PTPRJ: variants seen among roughly 807,000 people sequenced by gnomAD.
PTPRJ encodes the protein receptor-type tyrosine-protein phosphatase eta.
In PTPRJ, 129 loss-of-function variants were observed where a neutral mutation model predicts 141.3. The ratio of observed to expected loss-of-function variants is 0.91; its 90% CI spans 0.79 to 1.06. The LOEUF (loss-of-function observed/expected upper bound fraction) is 1.06, where lower values mean the gene tolerates loss of function less well. Among genes scored for constraint, PTPRJ ranks in the 50% least tolerant of loss-of-function variants. The pLI is 0.00. For missense variants in PTPRJ, 1,601 were observed against 1,679.7 expected (o/e 0.95, Z 0.82); for synonymous variants, 610 against 640.5 (o/e 0.95, Z 0.72).
chr11:48,116,313 T>C (rs917748466), intron 3 of PTPRJ, among the ~76,000 whole-genome samples: 1 of 152,182 alleles, frequency 6.6e-6, no homozygotes, highest in Non-Finnish European at 1.5e-5. Flanking sequence ...TTCAAAACTT[T>C]TAATGGAGAC....
intron 1 of PTPRJ, among the ~76,000 whole-genome samples, chr11:48,081,338 C>T (rs983679838): frequency 3.3e-5 from 5 of 152,214 alleles, no homozygotes; most frequent in African/African-American, 1.2e-4. Context: ...CAGTCTGAGT[C>T]AGTGGAATGT....
intron 24 of PTPRJ, 40 bp downstream of exon 24, chr11:48,164,555 T>TC: frequency 1.3e-6 from 1 of 797,572 alleles, no homozygotes; most frequent in South Asian, 2.2e-5. Context: ...ACCCTTCCCC[T>TC]CCATTTTTTT....
intron 1 of PTPRJ, among the ~76,000 whole-genome samples, chr11:48,040,659 T>TGGTGCAGTCTCG (rs564456890): frequency 1.7e-3 from 259 of 149,996 alleles, no homozygotes; most frequent in South Asian, 4.2e-3. Context: ...TGGAGTGCGA[T>TGGTGCAGTCTCG]GGTGCAGTCT....
chr11:48,052,769 C>T (rs1175637420), intron 1 of PTPRJ, among the ~76,000 whole-genome samples: 7 of 152,112 alleles, frequency 4.6e-5, no homozygotes, highest in Non-Finnish European at 7.4e-5. Flanking sequence ...GTCCTTCATG[C>T]ATCCCTGGGT....
intron 1 of PTPRJ, among the ~76,000 whole-genome samples, chr11:48,058,228 C>G (rs1183698724): frequency 6.6e-6 from 1 of 151,892 alleles, no homozygotes; most frequent in Non-Finnish European, 1.5e-5. Flanking sequence ...TAAAACAAAA[C>G]CAAAACCAAA....
chr11:48,136,574 G>A (rs967689232), intron 9 of PTPRJ, among the ~76,000 whole-genome samples: 3 of 152,178 alleles, frequency 2.0e-5, no homozygotes, highest in Admixed American at 1.3e-4. Flanking sequence ...GAGTAGAGAA[G>A]GGTCACCTTG....
At chr11:48,116,838 T>A (rs946076022) in intron 3 of PTPRJ, among the ~76,000 whole-genome samples, 1 of 152,230 alleles carries the variant, frequency 6.6e-6, no homozygotes, top group Admixed American at 6.5e-5. Context: ...GATGATGAAA[T>A]TAAAAGGGAA....
chr11:48,076,897 C>T (rs560124739), intron 1 of PTPRJ, among the ~76,000 whole-genome samples: 5 of 151,482 alleles, frequency 3.3e-5, no homozygotes, highest in South Asian at 2.1e-4. Flanking sequence ...GATGGAGTTT[C>T]GCTCTTGTTG....
At chr11:48,049,506 C>T (rs535378847) in intron 1 of PTPRJ, among the ~76,000 whole-genome samples, 8 of 140,336 alleles carry the variant, frequency 5.7e-5, no homozygotes, top group South Asian at 2.1e-4. Flanking sequence ...GGTGAAACCC[C>T]GTCTCTACTA....
At chr11:48,064,910 T>C (rs1245415042) in intron 1 of PTPRJ, among the ~76,000 whole-genome samples, 1 of 151,436 alleles carries the variant, frequency 6.6e-6, no homozygotes, top group East Asian at 1.9e-4. Context: ...CGTGAGCCAC[T>C]GCGCCCGGCT....
intron 3 of PTPRJ, among the ~76,000 whole-genome samples, chr11:48,118,893 G>A (rs1419671415): frequency 6.6e-6 from 1 of 151,882 alleles, no homozygotes; most frequent in East Asian, 1.9e-4. Flanking sequence ...GATGGTGTGT[G>A]CCTTTAATCC....
chr11:48,152,213 T>C (rs1176627073), intron 18 of PTPRJ, among the ~76,000 whole-genome samples: 1 of 152,180 alleles, frequency 6.6e-6, no homozygotes, highest in Non-Finnish European at 1.5e-5. Context: ...ATGAGCATTT[T>C]TTCATGTGTC....
chr11:48,003,984 A>G (rs1854563105), intron 1 of PTPRJ, among the ~76,000 whole-genome samples: 1 of 152,176 alleles, frequency 6.6e-6, no homozygotes, highest in African/African-American at 2.4e-5. Flanking sequence ...TTTTGTACTG[A>G]AATCTGCACT....
Position 47,980,705 on chromosome 11 carries a change from C to T in PTPRJ, c.-208C>T, listed in dbSNP as rs1262115532. On this transcript the variant is annotated 5_prime_UTR_variant, in exon 1 of 25. Coordinates refer to ENST00000418331, the MANE Select transcript of PTPRJ (RefSeq NM_002843.4). Reference sequence around the variant, plus strand: ...GGACGCGGCCCCCCCGCGGCAGCCGCGCTAGGCTCCGGCGTGTGGCCGCGG... The same window carrying T: ...GGACGCGGCCCCCCCGCGGCAGCCGTGCTAGGCTCCGGCGTGTGGCCGCGG... 1 of 995,138 alleles carries T rather than the reference C, an allele frequency of 1.0e-6. No individual in the cohort carries two copies. The highest frequency in any genetic ancestry group is 1.2e-6 in the Non-Finnish European group (1 of 837,972). The allele number at this position is 995,138 out of a possible 1,614,324, so 61.6% of individuals were successfully genotyped here. A position where few individuals can be genotyped will look rare whatever the true frequency, so the allele number is the denominator to read the frequency against.
chr11:48,161,782 T>A (rs1484896528), intron 22 of PTPRJ, among the ~76,000 whole-genome samples: 1 of 151,918 alleles, frequency 6.6e-6, no homozygotes. Flanking sequence ...CCAGCTAATT[T>A]TTTTTGTATT....
At chr11:47,981,467 G>C (rs938109089) in intron 1 of PTPRJ, among the ~76,000 whole-genome samples, 3 of 152,186 alleles carry the variant, frequency 2.0e-5, no homozygotes, top group African/African-American at 7.2e-5. Context: ...GGCGGCGGGG[G>C]CGACAGGGCA....
chr11:48,053,246 A>G (rs1157619434), intron 1 of PTPRJ, among the ~76,000 whole-genome samples: 2 of 84,978 alleles, frequency 2.4e-5, no homozygotes, highest in Non-Finnish European at 4.1e-5. Flanking sequence ...TAATATATTT[A>G]TATAATATAT....
chr11:47,998,089 TAGA>T (rs1315073427), intron 1 of PTPRJ, among the ~76,000 whole-genome samples: 1 of 151,910 alleles, frequency 6.6e-6, no homozygotes, highest in African/African-American at 2.4e-5. Flanking sequence ...TAGCACAGTG[TAGA>T]GCAGACTTGG....
rs576320498 is a variant in PTPRJ, at chr11:48,170,587, A to G, written c.*3225A>G. The G allele has an allele frequency of 6.6e-6, 1 of 152,174 alleles. No individual in the cohort carries two copies. The highest frequency in any genetic ancestry group is 1.5e-5 in the Non-Finnish European group (1 of 68,032). 9.4% of individuals were successfully genotyped at this position (152,174 alleles called of 1,614,324 possible). ...GTTTTAAGTCCTGGGTTTTCAGACT[A>G]CTGTGTAGCAGCTGTGTGTTTAACA... is the stretch of plus-strand genomic sequence containing the variant. On this transcript the variant is annotated 3_prime_UTR_variant, in exon 25 of 25. Coordinates refer to ENST00000418331, the MANE Select transcript of PTPRJ (RefSeq NM_002843.4).
Sources: gnomAD v4.1 joint callset for allele counts (sites outside exome capture counted in the v4.1 genomes callset) on GRCh38, gnomAD v4.1.1 for gene constraint, MANE v1.5 for transcripts, NCBI Gene and HGNC (gene_info 2026-07-23, HGNC 2026-07-21) for gene names.